Variants in DET1 observed in about 807,000 individuals in gnomAD.
DET1 encodes DET1 homolog.
A neutral mutation model predicts 43.7 loss-of-function variants in DET1; 22 were observed. The observed-to-expected ratio is 0.50, with a 90% CI of 0.36 to 0.72. The LOEUF (loss-of-function observed/expected upper bound fraction) is 0.72. DET1 is among the 30% of genes least tolerant of loss of function. The pLI is 0.00. For synonymous variants in DET1, 315 were observed against 266.2 expected (o/e 1.18, Z -1.79); for missense variants, 713 against 713.3 (o/e 1.00, Z 0.00).
chr15:88,539,177 C>T (rs1024315998), intron 1 of DET1, among the ~76,000 whole-genome samples: 3 of 151,804 alleles, frequency 2.0e-5, no homozygotes, highest in Non-Finnish European at 4.4e-5. Context: ...GTTATAAACT[C>T]TGTGAATGGT....
At chr15:88,522,564 A>C (rs1266675082) in intron 3 of DET1, among the ~76,000 whole-genome samples, 2 of 123,916 alleles carry the variant, frequency 1.6e-5, no homozygotes, top group African/African-American at 6.4e-5. Context: ...GCTGCAGTGC[A>C]GTGGCGCAAA....
At position 88,530,959 on chromosome 15, in the gene DET1, A is replaced by G. The variant is rs1266092747; in HGVS notation, c.747T>C (p.Thr249=). 6.2e-7 allele frequency: 1 copy of G among 1,614,050 alleles called. No individual in the cohort carries two copies. Among genetic ancestry groups the G allele is most frequent in the South Asian group, 1.1e-5 (1 of 91,076 alleles). ...GGCCAATGGTCCGCACATCAATGAA[A>G]GTGCCTTCAGGAGTCACCTGGAAGA... ...IHVFQVTPEG[T]FIDVRTIGRF... The change falls in exon 2 of 5, where the codon ACT becomes ACC. Residue 249 remains threonine (T), a synonymous_variant. Coordinates refer to ENST00000268148, the MANE Select transcript of DET1 (RefSeq NM_001144074.3).
chr15:88,528,950 A>T (rs575709242), intron 2 of DET1, among the ~76,000 whole-genome samples: 6 of 152,206 alleles, frequency 3.9e-5, no homozygotes, highest in African/African-American at 1.4e-4. Context: ...GTTTGGATGT[A>T]CTTTTTACTT....
At chr15:88,525,827 ATTTTTTTTTT>A (rs10658727) in intron 3 of DET1, among the ~76,000 whole-genome samples, 1 of 90,698 alleles carries the variant, frequency 1.1e-5, no homozygotes, top group Non-Finnish European at 2.1e-5. Flanking sequence ...ACACTCGGCT[ATTTTTTTTTT>A]TTTTTTTTTT....
chr15:88,523,592 G>A (rs575783808), intron 3 of DET1, among the ~76,000 whole-genome samples: 67 of 152,270 alleles, frequency 4.4e-4, no homozygotes, highest in African/African-American at 1.6e-3. Flanking sequence ...GGCGCGCACC[G>A]CCACGCCTGA....
At chr15:88,512,258 C>A, downstream of DET1, 1 of 728,130 alleles carries the variant, frequency 1.4e-6, no homozygotes, top group Non-Finnish European at 1.7e-6. Context: ...TGTGCAATTA[C>A]ACCCAGTTCC....
intron 2 of DET1, among the ~76,000 whole-genome samples, chr15:88,530,007 G>C (rs182575404): frequency 6.6e-6 from 1 of 152,106 alleles, no homozygotes; most frequent in Non-Finnish European, 1.5e-5. Context: ...CTCTCCTCAC[G>C]GATCATAAAT....
rs781138350 is a variant in DET1 at position 88,531,472 on chromosome 15, G to C, written c.234C>G (p.Asp78Glu). Residue 78 changes from aspartate to glutamate, a missense_variant, in exon 2 of 5, where the codon GAC becomes GAG. Coordinates refer to ENST00000268148, the MANE Select transcript of DET1 (RefSeq NM_001144074.3). The surrounding 1 kb of genome is among the most constrained non-coding windows in gnomAD (Gnocchi z 6.2). ...DGRYFIAFSS[D>E]QTSLEIYEYQ... Reference sequence around the variant, plus strand: ...ACTCATAGATTTCAAGAGATGTCTGGTCTGAAGAAAAAGCAATAAAGTAGC... The same window carrying C: ...ACTCATAGATTTCAAGAGATGTCTGCTCTGAAGAAAAAGCAATAAAGTAGC... 1 of 1,614,002 alleles carries C rather than the reference G, an allele frequency of 6.2e-7. No homozygotes were observed. The highest frequency in any genetic ancestry group is 1.7e-5 in the Admixed American group (1 of 60,022).
chr15:88,532,598 G>A (rs562228325), intron 1 of DET1, among the ~76,000 whole-genome samples: 159 of 152,262 alleles, frequency 1.0e-3, no homozygotes, highest in African/African-American at 3.8e-3. Flanking sequence ...ACTGGATAAA[G>A]ACAGACACAG....
chr15:88,534,616 G>C (rs934241831), intron 1 of DET1, among the ~76,000 whole-genome samples: 2 of 152,208 alleles, frequency 1.3e-5, no homozygotes, highest in African/African-American at 4.8e-5. Flanking sequence ...CTGCACACGT[G>C]TGGATCTGGT....
At chr15:88,519,444 C>T in intron 3 of DET1, among the ~76,000 whole-genome samples, 1 of 152,170 alleles carries the variant, frequency 6.6e-6, no homozygotes, top group East Asian at 1.9e-4. Context: ...TTACCAACGA[C>T]TGCAAACCCT....
At position 88,535,331 on chromosome 15, in the gene DET1, A is replaced by C. The variant is rs575503815; in HGVS notation, c.-10-3616T>G. On this transcript the variant is annotated intron_variant, in intron 1 of 4. Transcript: ENST00000268148. ...TTAGTATACATTACCCAATGTGAACAAAAGAGGGAAAAAATAAAAAGACTG... is the reference window on the plus strand; with the variant it reads ...TTAGTATACATTACCCAATGTGAACCAAAGAGGGAAAAAATAAAAAGACTG... Among the ~76,000 whole-genome samples the C allele has an allele frequency of 4.6e-5, 7 of 152,294 alleles. No individual in the cohort carries two copies. The South Asian group carries it at 1.4e-3, about 32-fold the overall frequency.
In DET1 at chr15:88,513,132, G is replaced by A. The variant is rs370620890; in HGVS notation, c.1472C>T (p.Ala491Val). 6.2e-6 allele frequency: 10 copies of A among 1,609,306 alleles called. No individual in the cohort carries two copies. The African/African-American group carries it at 1.2e-4, about 19-fold the overall frequency. Residue 491 changes from alanine (A) to valine (V), a missense_variant, in exon 5 of 5, where the codon GCC becomes GTC. Physicochemically the swap from Ala to Val is moderately conservative, Grantham distance 64 (BLOSUM62 0). Transcript: ENST00000268148. ...AAACTTGAGCAGGCCCGAGTCCCGG[G>A]CATAGAACCTAAAAAGAACAAGGAC... ...TCGDHPIRFY[A>V]RDSGLLKFEI...
At chr15:88,534,125 A>G (rs910347772) in intron 1 of DET1, among the ~76,000 whole-genome samples, 2 of 152,176 alleles carry the variant, frequency 1.3e-5, no homozygotes, top group African/African-American at 4.8e-5. Flanking sequence ...TAAAATCACA[A>G]TAAAAATATG....
rs1267042409 is a variant in DET1 at position 88,512,945 on chromosome 15, A to G, written c.*6T>C. On this transcript the variant is annotated 3_prime_UTR_variant, in exon 5 of 5. Coordinates refer to ENST00000268148, the MANE Select transcript of DET1 (RefSeq NM_001144074.3). ...AAGACCAGATAATCTGGCTCTGGTG[A>G]GGCACCTACGTGCAGCAGTGTCGCA... The G allele has an allele frequency of 1.9e-6, 3 of 1,612,456 alleles. No individual in the cohort carries two copies. The highest frequency in any genetic ancestry group is 2.5e-6 in the Non-Finnish European group (3 of 1,178,642).
At chr15:88,525,014 A>G (rs1031238942) in intron 3 of DET1, among the ~76,000 whole-genome samples, 1 of 152,234 alleles carries the variant, frequency 6.6e-6, no homozygotes, top group Non-Finnish European at 1.5e-5. Context: ...AAGTATGATT[A>G]GTGGTCAACA....
chr15:88,531,634 G>A lies in DET1; in HGVS notation c.72C>T (p.Arg24=), dbSNP rs1598338660. 2.5e-6 allele frequency: 4 copies of A among 1,613,952 alleles called. No homozygotes were observed. The highest frequency in any genetic ancestry group is 3.4e-6 in the Non-Finnish European group (4 of 1,179,826). Reference sequence around the variant, plus strand: ...CTGCCTTGCCTGAACTGATCCGCCGGCGTTCCAAGCGGTGAATGACATTTT... The same window carrying A: ...CTGCCTTGCCTGAACTGATCCGCCGACGTTCCAAGCGGTGAATGACATTTT... ...QNQNVIHRLE[R]RRISSGKAGT... is the part of the protein sequence containing the mutation. Residue 24 remains arginine, a synonymous_variant, in exon 2 of 5, where the codon CGC becomes CGT. Transcript: ENST00000268148. This position sits in a 1 kb window ranked among gnomAD's most constrained non-coding sequence, Gnocchi z 6.2.
At position 88,539,609 on chromosome 15, in the gene DET1, G is replaced by A. The variant is rs150217060; in HGVS notation, c.-11+6931C>T. Reference sequence around the variant, plus strand: ...TCAGGACGTCGGTATTGCCCAAGACGTCTGGGTAAAAACTTCTTCAAGGTC... The same window carrying A: ...TCAGGACGTCGGTATTGCCCAAGACATCTGGGTAAAAACTTCTTCAAGGTC... On this transcript the variant is annotated intron_variant, in intron 1 of 4. Transcript: ENST00000268148. Among the ~76,000 whole-genome samples, 271 of 152,286 alleles carry A rather than the reference G, an allele frequency of 1.8e-3. 5 individuals are homozygous for A. In the South Asian group the frequency reaches 0.042, roughly 24 times the overall value.
At chr15:88,512,215 T>A (rs2056213820), downstream of DET1, 1 of 330,558 alleles carries the variant, frequency 3.0e-6, no homozygotes, top group South Asian at 1.2e-4. Flanking sequence ...ATGACACAGA[T>A]GGTACAGATG....
Sources: gnomAD v4.1 joint callset for allele counts (sites outside exome capture counted in the v4.1 genomes callset) on GRCh38, gnomAD v4.1.1 for gene constraint, Gnocchi (gnomAD v3.1) non-coding constraint, MANE v1.5 for transcripts, NCBI Gene and HGNC (gene_info 2026-07-23, HGNC 2026-07-21) for gene names.